Variants in TAFA1 observed in about 807,000 individuals in gnomAD.
TAFA1 encodes TAFA chemokine like family member 1.
In TAFA1, 4 loss-of-function variants were observed where a neutral mutation model predicts 18.5. The ratio of observed to expected loss-of-function variants is 0.22; its 90% CI spans 0.11 to 0.49. The LOEUF is 0.49. Ranked by LOEUF, TAFA1 falls within the 20% of genes least tolerant of loss-of-function variation. TAFA1 has a pLI of 0.98. For synonymous variants in TAFA1, 56 were observed against 55.2 expected, an observed-to-expected ratio of 1.01 and a Z score of -0.06; for missense variants, 147 against 169.0, an observed-to-expected ratio of 0.87 and a Z score of 0.72.
chr3:68,132,616 C>T (rs1320421928), intron 2 of TAFA1, among the ~76,000 whole-genome samples: 2 of 152,310 alleles, frequency 1.3e-5, no homozygotes, highest in African/African-American at 4.8e-5. Flanking sequence ...TTACATTTCT[C>T]TTATGACCAG....
intron 2 of TAFA1, among the ~76,000 whole-genome samples, chr3:68,049,928 C>T (rs1474417478): frequency 6.6e-6 from 1 of 152,092 alleles, no homozygotes; most frequent in South Asian, 2.1e-4. Flanking sequence ...CAGTAATACT[C>T]AGATACTCCC....
chr3:68,100,175 A>G (rs2065132102), intron 2 of TAFA1, among the ~76,000 whole-genome samples: 1 of 152,078 alleles, frequency 6.6e-6, no homozygotes, highest in East Asian at 1.9e-4. Flanking sequence ...AAAAGCAAAA[A>G]AACCCAAAAG....
chr3:68,104,462 C>G (rs1258363625), intron 2 of TAFA1, among the ~76,000 whole-genome samples: 2 of 151,684 alleles, frequency 1.3e-5, no homozygotes, highest in Non-Finnish European at 2.9e-5. Flanking sequence ...TTAAAAATAT[C>G]ACATTCCTAG....
At chr3:68,370,220 G>A (rs1198910357) in intron 2 of TAFA1, among the ~76,000 whole-genome samples, 14 of 132,186 alleles carry the variant, frequency 1.1e-4, no homozygotes, top group Middle Eastern at 4.4e-3. Context: ...CCCGGGAGGC[G>A]GAGGTTGCAG....
At chr3:68,058,968 G>A (rs959587579) in intron 2 of TAFA1, among the ~76,000 whole-genome samples, 1 of 152,074 alleles carries the variant, frequency 6.6e-6, no homozygotes, top group Non-Finnish European at 1.5e-5. Flanking sequence ...ACCAAATTGT[G>A]GAGATATTTG....
rs983191 is a variant in TAFA1 at position 68,519,176 on chromosome 3, A to T, written c.260-19580A>T. ...TAATCACCAATGTGATGATATTAGAAGACGAGGGCCTCATGTGAGTGGAAT... is the reference window on the plus strand; with the variant it reads ...TAATCACCAATGTGATGATATTAGATGACGAGGGCCTCATGTGAGTGGAAT... On this transcript the variant is annotated intron_variant, in intron 3 of 4. Transcript: ENST00000478136. 1.2e-4 allele frequency among the ~76,000 whole-genome samples: 18 copies of T among 152,126 alleles called. No individual in the cohort carries two copies. In the South Asian group the frequency reaches 3.1e-3, roughly 26 times the overall value.
At chr3:68,297,263 C>T (rs1031358630) in intron 2 of TAFA1, among the ~76,000 whole-genome samples, 3 of 152,182 alleles carry the variant, frequency 2.0e-5, no homozygotes, top group African/African-American at 7.2e-5. Flanking sequence ...GGGTATTTCT[C>T]TTCATTGGCT....
chr3:68,030,421 C>A (rs948791437), intron 2 of TAFA1, among the ~76,000 whole-genome samples: 3 of 152,124 alleles, frequency 2.0e-5, no homozygotes, highest in Admixed American at 6.6e-5. Flanking sequence ...CCTAACCCCC[C>A]ACCAGCCGAC....
chr3:68,292,514 G>A (rs554322596), intron 2 of TAFA1, among the ~76,000 whole-genome samples: 7 of 150,696 alleles, frequency 4.6e-5, no homozygotes, highest in East Asian at 3.9e-4. Flanking sequence ...TTTCATAATC[G>A]TTTGCCTCTT....
intron 2 of TAFA1, among the ~76,000 whole-genome samples, chr3:68,096,257 AT>A (rs1180332144): frequency 7.2e-5 from 11 of 152,070 alleles, no homozygotes; most frequent in Non-Finnish European, 1.5e-4. Flanking sequence ...ACATGACAAG[AT>A]TTCATTCTTT....
At chr3:68,427,576 A>G (rs1196011254) in intron 3 of TAFA1, among the ~76,000 whole-genome samples, 1 of 151,916 alleles carries the variant, frequency 6.6e-6, no homozygotes, top group Non-Finnish European at 1.5e-5. Flanking sequence ...ACTTATACAG[A>G]TGAGTAATAT....
In TAFA1 at chr3:68,104,943, G is replaced by A. The variant is rs372238521; in HGVS notation, c.118+98199G>A. ...AGAAAAGAGGTTTATTTTGAGTCAC[G>A]GTTCTGCAGGCTGTACAGGAAGCAT... On this transcript the variant is annotated intron_variant, in intron 2 of 4. Coordinates refer to ENST00000478136, the MANE Select transcript of TAFA1 (RefSeq NM_213609.4). Among the ~76,000 whole-genome samples, 12 of 152,214 alleles carry A rather than the reference G, an allele frequency of 7.9e-5. No homozygotes were observed. The East Asian group carries it at 1.2e-3, about 15-fold the overall frequency.
intron 3 of TAFA1, among the ~76,000 whole-genome samples, chr3:68,536,772 T>C (rs2073284652): frequency 6.6e-6 from 1 of 152,174 alleles, no homozygotes; most frequent in South Asian, 2.1e-4. Context: ...ATTGCCAGCT[T>C]CCTATTGTGG....
intron 3 of TAFA1, among the ~76,000 whole-genome samples, chr3:68,452,437 C>T (rs1482551558): frequency 3.3e-5 from 5 of 150,440 alleles, no homozygotes; most frequent in East Asian, 2.0e-4. Context: ...ACAGGAGAAT[C>T]GCGCAAACCC....
intron 2 of TAFA1, among the ~76,000 whole-genome samples, chr3:68,268,472 T>G (rs1253916655): frequency 6.6e-6 from 1 of 152,088 alleles, no homozygotes; most frequent in Non-Finnish European, 1.5e-5. Flanking sequence ...TTAGAGTCCT[T>G]GAGATATTTT....
chr3:68,364,819 A>C (rs2069535367), intron 2 of TAFA1, among the ~76,000 whole-genome samples: 1 of 152,184 alleles, frequency 6.6e-6, no homozygotes, highest in African/African-American at 2.4e-5. Context: ...CTTTCCAACA[A>C]CCCTATGATA....
At chr3:68,515,810 A>G (rs933924396) in intron 3 of TAFA1, among the ~76,000 whole-genome samples, 8 of 152,192 alleles carry the variant, frequency 5.3e-5, no homozygotes, top group African/African-American at 1.7e-4. Flanking sequence ...ATGGAGTGCT[A>G]TACACTTAGG....
chr3:68,455,504 G>C (rs990497565), intron 3 of TAFA1, among the ~76,000 whole-genome samples: 1 of 152,102 alleles, frequency 6.6e-6, no homozygotes, highest in Non-Finnish European at 1.5e-5. Context: ...AGGTCAATTT[G>C]TTTTCTGACA....
At chr3:68,421,402 T>C (rs527639204) in intron 3 of TAFA1, among the ~76,000 whole-genome samples, 62 of 152,282 alleles carry the variant, frequency 4.1e-4, no homozygotes, top group African/African-American at 1.4e-3. Flanking sequence ...GTTGCTATGA[T>C]CAAAATTGTT....
Sources: gnomAD v4.1 joint callset for allele counts (sites outside exome capture counted in the v4.1 genomes callset) on GRCh38, gnomAD v4.1.1 for gene constraint, MANE v1.5 for transcripts, NCBI Gene and HGNC (gene_info 2026-07-23, HGNC 2026-07-21) for gene names.